Variants in YWHAG observed in about 807,000 individuals in gnomAD.
YWHAG encodes tyrosine 3-monooxygenase/tryptophan 5-monooxygenase activation protein gamma.
Under a neutral mutation model 23.3 loss-of-function variants are expected in YWHAG, and 1 was observed. The observed-to-expected ratio is 0.04, with a 90% CI of 0.02 to 0.20. The LOEUF (loss-of-function observed/expected upper bound fraction) is 0.20, where lower values mean the gene tolerates loss of function less well. Among genes scored for constraint, YWHAG ranks in the 10% least tolerant of loss-of-function variants. The pLI, the probability that YWHAG is intolerant of heterozygous loss-of-function variation, is 1.00. For missense variants in YWHAG, 151 were observed against 338.6 expected (o/e 0.45, Z 4.35); for synonymous variants, 160 against 144.0 (o/e 1.11, Z -0.80).
At chr7:76,339,394 C>T (rs1300767030) in intron 1 of YWHAG, among the ~76,000 whole-genome samples, 2 of 151,852 alleles carry the variant, frequency 1.3e-5, no homozygotes, top group African/African-American at 4.8e-5. Flanking sequence ...TGCTTGAACC[C>T]GGGAGGCAGA....
intron 1 of YWHAG, among the ~76,000 whole-genome samples, chr7:76,345,829 G>C (rs1327490011): frequency 3.3e-5 from 5 of 152,036 alleles, no homozygotes; most frequent in African/African-American, 1.2e-4. Context: ...CAGCTACTAG[G>C]TAGGCTGAGG....
At chr7:76,340,078 G>A (rs1803669246) in intron 1 of YWHAG, among the ~76,000 whole-genome samples, 1 of 152,068 alleles carries the variant, frequency 6.6e-6, no homozygotes, top group African/African-American at 2.4e-5. Context: ...GACACAGCGA[G>A]ACTCCATCTC....
chr7:76,331,081 T>C (rs933868152), intron 1 of YWHAG, among the ~76,000 whole-genome samples: 1 of 152,232 alleles, frequency 6.6e-6, no homozygotes, highest in Non-Finnish European at 1.5e-5. Context: ...CAGAGTCATA[T>C]ACTATTACAT....
intron 1 of YWHAG, among the ~76,000 whole-genome samples, chr7:76,340,292 C>G (rs1312682717): frequency 6.6e-6 from 1 of 152,216 alleles, no homozygotes; most frequent in Non-Finnish European, 1.5e-5. Context: ...TATCACCTGT[C>G]CTTTCCCATA....
In YWHAG at chr7:76,358,818, G is replaced by C; in HGVS notation, c.-10C>G. 6.3e-7 allele frequency: 1 copy of C among 1,588,882 alleles called. No homozygotes were observed. Among genetic ancestry groups the C allele is most frequent in the Non-Finnish European group, 8.6e-7 (1 of 1,169,016 alleles). On this transcript the variant is annotated 5_prime_UTR_variant, in exon 1 of 2. Coordinates refer to ENST00000307630, the MANE Select transcript of YWHAG (RefSeq NM_012479.4). ...GCTCGCGGTCCACCATCTTCGCGGG[G>C]CTGGGTCTGGCCGGAGAAGGAGGAG...
chr7:76,353,568 A>G (rs1461257202), intron 1 of YWHAG, among the ~76,000 whole-genome samples: 5 of 152,216 alleles, frequency 3.3e-5, no homozygotes, highest in African/African-American at 1.2e-4. Flanking sequence ...CAAATTCATA[A>G]ATTCATTTAG....
At chr7:76,349,587 AAAT>A (rs1330708934) in intron 1 of YWHAG, among the ~76,000 whole-genome samples, 4 of 152,204 alleles carry the variant, frequency 2.6e-5, no homozygotes, top group African/African-American at 9.6e-5. Flanking sequence ...CCACAGCTCC[AAAT>A]AATGTTGGTA....
intron 1 of YWHAG, among the ~76,000 whole-genome samples, chr7:76,352,044 C>G (rs1453165275): frequency 6.6e-6 from 1 of 152,176 alleles, no homozygotes; most frequent in African/African-American, 2.4e-5. Context: ...CATGGCTACT[C>G]ACTATGCTGC....
At chr7:76,352,578 A>C (rs1323770445) in intron 1 of YWHAG, among the ~76,000 whole-genome samples, 1 of 152,184 alleles carries the variant, frequency 6.6e-6, no homozygotes, top group Non-Finnish European at 1.5e-5. Context: ...TATTTGGAAT[A>C]ATTTTATTGT....
chr7:76,358,981 G>C lies in YWHAG; in HGVS notation c.-173C>G. 1.9e-6 allele frequency: 1 copy of C among 518,228 alleles called. No homozygotes were observed. The highest frequency in any genetic ancestry group is 3.7e-5 in the South Asian group (1 of 27,306). 32.1% of individuals were successfully genotyped at this position (518,228 alleles called of 1,614,324 possible). A position where few individuals can be genotyped will look rare whatever the true frequency, so the allele number is the denominator to read the frequency against. Reference sequence around the variant, plus strand: ...GAGCTGCGACCGCGGGACCGGGCGCGAGGCGGCTGCGGCTGCTGTGCGTGC... The same window carrying C: ...GAGCTGCGACCGCGGGACCGGGCGCCAGGCGGCTGCGGCTGCTGTGCGTGC... On this transcript the variant is annotated 5_prime_UTR_variant, in exon 1 of 2. Transcript: ENST00000307630.
rs1023915430 is a variant in YWHAG, at chr7:76,327,707, T to C, written c.*1870A>G. On this transcript the variant is annotated 3_prime_UTR_variant, in exon 2 of 2. Coordinates refer to ENST00000307630, the MANE Select transcript of YWHAG (RefSeq NM_012479.4). ...CCCCCCCCAAATCGTCTTCCTCCCA[T>C]GGCAATGACTTTAGGCGCCTGTGAG... 2 of 39,712 alleles carry C rather than the reference T, an allele frequency of 5.0e-5. No homozygotes were observed. The highest frequency in any genetic ancestry group is 9.4e-5 in the Non-Finnish European group (2 of 21,218). The allele number at this position is 39,712 out of a possible 1,614,324, so 2.5% of individuals were successfully genotyped here.
chr7:76,356,405 TGAA>T (rs147909964), intron 1 of YWHAG, among the ~76,000 whole-genome samples: 2,647 of 152,272 alleles, frequency 0.017, 61 homozygotes, highest in African/African-American at 0.061. Flanking sequence ...CTCTATACTG[TGAA>T]GGAGCAGAAG....
At chr7:76,351,346 G>A (rs537736835) in intron 1 of YWHAG, among the ~76,000 whole-genome samples, 18 of 151,884 alleles carry the variant, frequency 1.2e-4, no homozygotes, top group African/African-American at 3.1e-4. Context: ...TCTGTTGTTC[G>A]TATTCTCCTC....
chr7:76,347,639 T>C (rs1245291793), intron 1 of YWHAG, among the ~76,000 whole-genome samples: 1 of 152,128 alleles, frequency 6.6e-6, no homozygotes, highest in Non-Finnish European at 1.5e-5. Context: ...ATATCTTATA[T>C]ACAATATAAA....
chr7:76,338,388 A>C (rs1803644872), intron 1 of YWHAG, among the ~76,000 whole-genome samples: 1 of 152,086 alleles, frequency 6.6e-6, no homozygotes, highest in Non-Finnish European at 1.5e-5. Flanking sequence ...ATGAGAGGAG[A>C]GCTGGGTGAG....
intron 1 of YWHAG, among the ~76,000 whole-genome samples, chr7:76,334,714 C>T (rs1012093246): frequency 1.3e-5 from 2 of 150,126 alleles, no homozygotes; most frequent in African/African-American, 4.9e-5. Context: ...TTCTGCCTAA[C>T]CTTCTTCTTC....
intron 1 of YWHAG, among the ~76,000 whole-genome samples, chr7:76,333,717 C>T (rs1803577625): frequency 6.6e-6 from 1 of 152,254 alleles, no homozygotes; most frequent in African/African-American, 2.4e-5. Flanking sequence ...CCATCTCTGG[C>T]ATACTTTACT....
chr7:76,343,354 G>A (rs1358845884), intron 1 of YWHAG, among the ~76,000 whole-genome samples: 1 of 150,318 alleles, frequency 6.7e-6, no homozygotes, highest in African/African-American at 2.4e-5. Flanking sequence ...GTGAGTTCTC[G>A]ATACCCCAGC....
chr7:76,351,890 C>T (rs764449064), intron 1 of YWHAG, among the ~76,000 whole-genome samples: 1 of 152,180 alleles, frequency 6.6e-6, no homozygotes, highest in Non-Finnish European at 1.5e-5. Flanking sequence ...CCTTACCCCT[C>T]ACCCCACCCA....
Sources: allele counts gnomAD v4.1 joint callset (sites outside exome capture counted in the v4.1 genomes callset), GRCh38; gene constraint gnomAD v4.1.1; transcripts MANE v1.5; gene names NCBI Gene and HGNC (gene_info 2026-07-23, HGNC 2026-07-21).